The following SIDT2 variants were observed in gnomAD, a reference collection of about 807,000 sequenced individuals.
The protein encoded by SIDT2 is SID1 transmembrane family member 2, also known as SID1 transmembrane family, member 2.
In SIDT2, 68 loss-of-function variants were observed where a neutral mutation model predicts 114.4. That is an observed-to-expected ratio of 0.59 (90% confidence interval 0.49 to 0.73). The LOEUF is 0.73. Among genes scored for constraint, SIDT2 ranks in the 30% least tolerant of loss-of-function variants. The probability of loss-of-function intolerance (pLI) is 0.00; values close to 1 mark genes in which losing one functional copy is unlikely to be tolerated. For synonymous variants in SIDT2, 470 were observed against 438.4 expected (o/e 1.07, Z -0.90); for missense variants, 918 against 1,097.1 (o/e 0.84, Z 2.31).
Position 117,190,565 on chromosome 11 carries a change from C to T in SIDT2, c.1618-58C>T. The T allele has an allele frequency of 2.1e-6, 3 of 1,419,552 alleles. No homozygotes were observed. Among genetic ancestry groups the T allele is most frequent in the Non-Finnish European group, 2.9e-6 (3 of 1,029,454 alleles). The allele number at this position is 1,419,552 out of a possible 1,614,324, so 87.9% of individuals were successfully genotyped here. A position where few individuals can be genotyped will look rare whatever the true frequency, so the allele number is the denominator to read the frequency against. On this transcript the variant is annotated intron_variant, in intron 17 of 25. Coordinates refer to ENST00000324225, the MANE Select transcript of SIDT2 (RefSeq NM_001040455.2). This position sits in a 1 kb window ranked among gnomAD's most constrained non-coding sequence, Gnocchi z 4.1. ...CCTCTTAGGGTCCCTCTTTTGGGTC[C>T]CTTCTTCCCTTCCTGCCTCACTTCC... is the stretch of plus-strand genomic sequence containing the variant.
intron 1 of SIDT2, chr11:117,179,688 A>G: frequency 2.0e-6 from 1 of 502,672 alleles, no homozygotes; most frequent in Non-Finnish European, 3.5e-6. Flanking sequence ...TTCCGCCCCC[A>G]TTCTTCCATC....
chr11:117,189,642 C>T lies in SIDT2; in HGVS notation c.1419+241C>T, dbSNP rs562461713. ...GATAGCCCCTCCCTGGTTTCTTGTG[C>T]GGATTATGAAACCAAAGTCCTGGGG... On this transcript the variant is annotated intron_variant, in intron 15 of 25. Coordinates refer to ENST00000324225, the MANE Select transcript of SIDT2 (RefSeq NM_001040455.2). The T allele has an allele frequency of 2.1e-4, 125 of 603,314 alleles. 1 individual carries two copies. The highest frequency in any genetic ancestry group is 2.0e-3 in the South Asian group (100 of 50,008). The allele number at this position is 603,314 out of a possible 1,614,324, so 37.4% of individuals were successfully genotyped here.
chr11:117,180,525 CTT>C (rs2030240037), intron 1 of SIDT2, among the ~76,000 whole-genome samples: 2 of 138,726 alleles, frequency 1.4e-5, no homozygotes, highest in African/African-American at 5.4e-5. Context: ...GTGAAGATCA[CTT>C]TATCTTTTTT....
At position 117,196,467 on chromosome 11, in the gene SIDT2, G is replaced by T; in HGVS notation, c.*401G>T. On this transcript the variant is annotated 3_prime_UTR_variant, in exon 26 of 26. Coordinates refer to ENST00000324225, the MANE Select transcript of SIDT2 (RefSeq NM_001040455.2). This position sits in a 1 kb window ranked among gnomAD's most constrained non-coding sequence, Gnocchi z 4.9. ...CACAATGCCCCAGCCTGGGACCTAA[G>T]GCCTCTTTTTCCTCCCATACTCCCA... is the stretch of plus-strand genomic sequence containing the variant. The T allele has an allele frequency of 4.1e-6, 1 of 242,020 alleles. No individual in the cohort carries two copies. The allele number at this position is 242,020 out of a possible 1,614,324, so 15.0% of individuals were successfully genotyped here.
At chr11:117,182,950 C>A in intron 6 of SIDT2, 144 bp downstream of exon 6, 1 of 856,600 alleles carries the variant, frequency 1.2e-6, no homozygotes, top group East Asian at 2.7e-5. Context: ...ACTTTGAGTC[C>A]CCTGATATAT....
chr11:117,187,331 G>A (rs756569476), intron 10 of SIDT2, 47 bp from the exon 11 acceptor site: 8 of 1,553,976 alleles, frequency 5.1e-6, no homozygotes, highest in Non-Finnish European at 8.9e-7. Flanking sequence ...CTGGCTCTAG[G>A]CCTCTCTCTT....
chr11:117,188,944 CT>C lies in SIDT2; in HGVS notation c.1278+119del. 1 of 1,135,996 alleles carries C rather than the reference CT, an allele frequency of 8.8e-7. No individual in the cohort carries two copies. Among genetic ancestry groups the C allele is most frequent in the South Asian group, 1.3e-5 (1 of 78,064 alleles). The allele number at this position is 1,135,996 out of a possible 1,614,324, so 70.4% of individuals were successfully genotyped here. A position where few individuals can be genotyped will look rare whatever the true frequency, so the allele number is the denominator to read the frequency against. On this transcript the variant is annotated intron_variant, in intron 13 of 25. Coordinates refer to ENST00000324225, the MANE Select transcript of SIDT2 (RefSeq NM_001040455.2). This position sits in a 1 kb window ranked among gnomAD's most constrained non-coding sequence, Gnocchi z 4.0. ...AGGGAAGCAGAAGGAAGGGGCTCAG[CT>C]GGGGCAGGGCAGATGCCGGGGAAAC... is the stretch of plus-strand genomic sequence containing the variant.
Position 117,192,704 on chromosome 11 carries a change from T to C in SIDT2, c.2058+54T>C. The C allele has an allele frequency of 6.2e-7, 1 of 1,612,084 alleles. No homozygotes were observed. The stretch of plus-strand genomic sequence containing the variant: ...TCCACATCTCCTTTCTTCCCTCTGA[T>C]GGGGGAGTGGGGCTGGGCTGAGGAC... On this transcript the variant is annotated intron_variant, in intron 21 of 25. Coordinates refer to ENST00000324225, the MANE Select transcript of SIDT2 (RefSeq NM_001040455.2). The surrounding 1 kb of genome is among the most constrained non-coding windows in gnomAD (Gnocchi z 5.9).
rs1565290401 is a variant in SIDT2, at chr11:117,195,852, C to T, written c.2373C>T (p.Asp791=). ...ACAACCGGGACTGCATCCTCCTCGACTTCTTTGACGACCACGACATCTGGC... is the reference window on the plus strand; with the variant it reads ...ACAACCGGGACTGCATCCTCCTCGATTTCTTTGACGACCACGACATCTGGC... ...REHNRDCILL[D]FFDDHDIWHF... Residue 791 remains aspartate, a synonymous_variant, in exon 25 of 26, where the codon GAC becomes GAT. Coordinates refer to ENST00000324225, the MANE Select transcript of SIDT2 (RefSeq NM_001040455.2). 6.2e-7 allele frequency: 1 copy of T among 1,614,192 alleles called. No homozygotes were observed. The highest frequency in any genetic ancestry group is 8.5e-7 in the Non-Finnish European group (1 of 1,180,032).
rs1205212305 is a variant in SIDT2 at position 117,192,612 on chromosome 11, A to G, written c.2020A>G (p.Thr674Ala). 2 of 1,611,550 alleles carry G rather than the reference A, an allele frequency of 1.2e-6. No homozygotes were observed. The highest frequency in any genetic ancestry group is 1.1e-5 in the South Asian group (1 of 91,086). The change falls in exon 21 of 26, where the codon ACA becomes GCA. Residue 674 changes from threonine (T) to alanine (A), a missense_variant. Transcript: ENST00000324225. The surrounding 1 kb of genome is among the most constrained non-coding windows in gnomAD (Gnocchi z 5.9). ...IFRRILHVLY[T>A]DCIRQCSGPL... Reference sequence around the variant, plus strand: ...CCGCCGCATCCTCCACGTGCTCTACACAGACTGCATCCGGCAGTGCAGCGG... The same window carrying G: ...CCGCCGCATCCTCCACGTGCTCTACGCAGACTGCATCCGGCAGTGCAGCGG...
At chr11:117,191,641 A>AAGT in intron 18 of SIDT2, 2 of 573,080 alleles carry the variant, frequency 3.5e-6, no homozygotes. Flanking sequence ...GACACAGACC[A>AAGT]AGTTGTCCCT....
At position 117,183,698 on chromosome 11, in the gene SIDT2, A is replaced by C. The variant is rs2030387315; in HGVS notation, c.703-81A>C. The C allele has an allele frequency of 4.8e-6, 5 of 1,045,602 alleles. No individual in the cohort carries two copies. The East Asian group carries it at 1.2e-4, about 25-fold the overall frequency. The allele number at this position is 1,045,602 out of a possible 1,614,324, so 64.8% of individuals were successfully genotyped here. Reference sequence around the variant, plus strand: ...ATATATCTATGAAGAATTTAGCATAATGTCTGGCCCCAGAACAAGTATTTA... The same window carrying C: ...ATATATCTATGAAGAATTTAGCATACTGTCTGGCCCCAGAACAAGTATTTA... On this transcript the variant is annotated intron_variant, in intron 6 of 25. Transcript: ENST00000324225.
chr11:117,185,927 C>A, intron 8 of SIDT2: 57 of 404,898 alleles, frequency 1.4e-4, no homozygotes, highest in South Asian at 5.6e-4. Context: ...CAGGGAGCAA[C>A]ATGAGCAAAA....
At chr11:117,183,744 TGATGAA>T in intron 6 of SIDT2, 29 bp from the exon 7 acceptor site, 4 of 1,338,394 alleles carry the variant, frequency 3.0e-6, no homozygotes, top group Non-Finnish European at 4.3e-6. Flanking sequence ...ATGATGATGA[TGATGAA>T]GAAGATATTT....
At position 117,193,770 on chromosome 11, in the gene SIDT2, G is replaced by A. The variant is rs1022506795; in HGVS notation, c.2212-83G>A. 50 of 992,060 alleles carry A rather than the reference G, an allele frequency of 5.0e-5. 1 individual carries two copies. The highest frequency in any genetic ancestry group is 9.1e-5 in the Admixed American group (5 of 54,792). 61.5% of individuals were successfully genotyped at this position (992,060 alleles called of 1,614,324 possible). A position where few individuals can be genotyped will look rare whatever the true frequency, so the allele number is the denominator to read the frequency against. ...AAGGCCTGGGAGGCCATGAGGAAAG[G>A]GAATCTGGGAAAGGCTGGGTGGGAC... is the stretch of plus-strand genomic sequence containing the variant. On this transcript the variant is annotated intron_variant, in intron 23 of 25. Transcript: ENST00000324225.
Position 117,192,190 on chromosome 11 carries a change from GGGT to G in SIDT2, c.1873-61_1873-59del. On this transcript the variant is annotated intron_variant, in intron 19 of 25. Transcript: ENST00000324225. The surrounding 1 kb of genome is among the most constrained non-coding windows in gnomAD (Gnocchi z 5.9). Reference sequence around the variant, plus strand: ...CTGGCTGAGCAGCCAGCCCCAGGAAGGGTGGGCCATCCGAGCCACTTCCCTCTC... The same window carrying G: ...CTGGCTGAGCAGCCAGCCCCAGGAAGGGGCCATCCGAGCCACTTCCCTCTC... 1.4e-6 allele frequency: 2 copies of G among 1,477,184 alleles called. No homozygotes were observed. Among genetic ancestry groups the G allele is most frequent in the Non-Finnish European group, 1.9e-6 (2 of 1,058,058 alleles). The allele number at this position is 1,477,184 out of a possible 1,614,324, so 91.5% of individuals were successfully genotyped here.
Position 117,190,102 on chromosome 11 carries a change from C to T in SIDT2, c.1494-64C>T, listed in dbSNP as rs1192498038. ...AGGGCCTGGGGCTTTGCAATGCCCA[C>T]GTGGGCTAGGGAAGAGGCCTGGGTG... is the stretch of plus-strand genomic sequence containing the variant. On this transcript the variant is annotated intron_variant, in intron 16 of 25. Coordinates refer to ENST00000324225, the MANE Select transcript of SIDT2 (RefSeq NM_001040455.2). This position sits in a 1 kb window ranked among gnomAD's most constrained non-coding sequence, Gnocchi z 4.1. 2 of 1,612,846 alleles carry T rather than the reference C, an allele frequency of 1.2e-6. No homozygotes were observed. The highest frequency in any genetic ancestry group is 1.1e-5 in the South Asian group (1 of 90,958).
intron 15 of SIDT2, 36 bp from the exon 16 acceptor site, chr11:117,189,916 C>T (rs376308191): frequency 3.1e-5 from 50 of 1,605,442 alleles, no homozygotes; most frequent in South Asian, 4.4e-5. Flanking sequence ...TTGGGCGTGA[C>T]GACAGACCCA....
At chr11:117,189,887 T>C in intron 15 of SIDT2, 65 bp from the exon 16 acceptor site, 3 of 1,542,028 alleles carry the variant, frequency 1.9e-6, no homozygotes, top group Non-Finnish European at 2.7e-6. Flanking sequence ...GGGGCCCGGA[T>C]GGCGGGGCGT....
Sources: gnomAD v4.1 joint callset for allele counts (sites outside exome capture counted in the v4.1 genomes callset) on GRCh38, gnomAD v4.1.1 for gene constraint, Gnocchi (gnomAD v3.1) non-coding constraint, MANE v1.5 for transcripts, NCBI Gene and HGNC (gene_info 2026-07-23, HGNC 2026-07-21) for gene names.